The following LARGE1 variants were observed in gnomAD, a reference collection of about 807,000 sequenced individuals.
The protein encoded by LARGE1 is LARGE xylosyl- and glucuronyltransferase 1, also known as xylosyl- and glucuronyltransferase LARGE1.
In LARGE1, 43 loss-of-function variants were observed where a neutral mutation model predicts 87.6. The ratio of observed to expected loss-of-function variants is 0.49; its 90% confidence interval spans 0.38 to 0.63. The LOEUF is 0.63. Among genes scored for constraint, LARGE1 ranks in the 30% least tolerant of loss-of-function variants. The pLI, the probability that LARGE1 is intolerant of heterozygous loss-of-function variation, is 0.00. For synonymous variants in LARGE1, 434 were observed against 394.6 expected, an observed-to-expected ratio of 1.10 and a Z score of -1.18; for missense variants, 802 against 1,000.2, an observed-to-expected ratio of 0.80 and a Z score of 2.67.
intron 7 of LARGE1, among the ~76,000 whole-genome samples, chr22:33,390,023 C>CTTCAAATT (rs2065460786): frequency 6.6e-6 from 1 of 152,182 alleles, no homozygotes; most frequent in African/African-American, 2.4e-5. Context: ...CCATCTGGTT[C>CTTCAAATT]TCGCCATAAT....
chr22:33,561,708 T>C (rs1247240969), intron 6 of LARGE1, among the ~76,000 whole-genome samples: 1 of 152,160 alleles, frequency 6.6e-6, no homozygotes, highest in Non-Finnish European at 1.5e-5. Flanking sequence ...CTGCTAAGAA[T>C]TGGTGGTTCT....
At chr22:33,283,157 A>G in intron 13 of LARGE1, 45 bp downstream of exon 13, 1 of 1,612,370 alleles carries the variant, frequency 6.2e-7, no homozygotes, top group South Asian at 1.1e-5. Context: ...CAGGAGAAAG[A>G]AGGCCTTCGA....
chr22:33,742,477 T>G (rs2083921119), intron 2 of LARGE1, among the ~76,000 whole-genome samples: 1 of 152,182 alleles, frequency 6.6e-6, no homozygotes, highest in South Asian at 2.1e-4. Flanking sequence ...TTCCCTTACT[T>G]GGCATACCAG....
At chr22:33,089,362 T>TCTTCTC in the LARGE1 span, among the ~76,000 whole-genome samples, 1 of 77,990 alleles carries the variant, frequency 1.3e-5, no homozygotes, top group African/African-American at 5.3e-5. Flanking sequence ...TTCTTCTTCT[T>TCTTCTC]CTTCTTCTCC....
intron 5 of LARGE1, among the ~76,000 whole-genome samples, chr22:33,600,146 T>C (rs1311830356): frequency 2.6e-5 from 4 of 152,314 alleles, no homozygotes; most frequent in Admixed American, 2.0e-4. Flanking sequence ...CTGACCGTGA[T>C]AAAGAAACTC....
rs1464574788 is a variant in LARGE1 at position 33,675,533 on chromosome 22, A to T, written c.107-24865T>A. ...AGGTTGATGTACTTGGGAAACAAAA[A>T]ACAACAAAATAAGACAAAACGAAGG... On this transcript the variant is annotated intron_variant, in intron 2 of 14. Coordinates refer to ENST00000397394, the MANE Select transcript of LARGE1 (RefSeq NM_133642.5). 3.3e-5 allele frequency among the ~76,000 whole-genome samples: 5 copies of T among 152,086 alleles called. 1 individual carries two copies. Among genetic ancestry groups the T allele is most frequent in the Non-Finnish European group, 7.4e-5 (5 of 68,014 alleles).
intron 12 of LARGE1, among the ~76,000 whole-genome samples, chr22:33,302,298 G>C (rs189827380): frequency 6.6e-6 from 1 of 152,188 alleles, no homozygotes; most frequent in African/African-American, 2.4e-5. Flanking sequence ...GCAGCCTGGT[G>C]GGTCAGGGGT....
At chr22:33,244,160 T>C (rs1164517535) in intron 11 of LARGE1, among the ~76,000 whole-genome samples, 1 of 151,836 alleles carries the variant, frequency 6.6e-6, no homozygotes, top group Admixed American at 6.6e-5. Context: ...AGCTAATTTT[T>C]TTTTTTTTGT....
intron 2 of LARGE1, among the ~76,000 whole-genome samples, chr22:33,687,720 C>T (rs769090983): frequency 2.8e-4 from 42 of 152,184 alleles, no homozygotes; most frequent in Non-Finnish European, 3.2e-4. Context: ...CGCTCGGGAC[C>T]GATGCACCCA....
At chr22:33,782,550 T>A (rs666775) in intron 1 of LARGE1, among the ~76,000 whole-genome samples, 3 of 151,886 alleles carry the variant, frequency 2.0e-5, no homozygotes, top group Non-Finnish European at 4.4e-5. Flanking sequence ...CTTCATCACA[T>A]AGATTAGCTA....
chr22:33,675,931 G>T (rs1164075679), intron 2 of LARGE1, among the ~76,000 whole-genome samples: 2 of 150,562 alleles, frequency 1.3e-5, no homozygotes, highest in Non-Finnish European at 2.9e-5. Context: ...GGCCTCAGGT[G>T]TGAACAAAAA....
intron 5 of LARGE1, among the ~76,000 whole-genome samples, chr22:33,571,794 T>C (rs2078212866): frequency 6.6e-6 from 1 of 152,076 alleles, no homozygotes; most frequent in African/African-American, 2.4e-5. Context: ...CCCCCAGTCC[T>C]AGATACTCTA....
chr22:33,424,232 C>T (rs1481032745), intron 7 of LARGE1, among the ~76,000 whole-genome samples: 2 of 152,140 alleles, frequency 1.3e-5, no homozygotes, highest in South Asian at 2.1e-4. Flanking sequence ...GAACAGTGAG[C>T]GGAAGTTTAC....
chr22:33,183,620 G>A (rs2413170), intron 11 of LARGE1, among the ~76,000 whole-genome samples: 70,044 of 137,728 alleles, frequency 0.51, 17,151 homozygotes, highest in South Asian at 0.6. Flanking sequence ...ACACACACAC[G>A]CACACACACA....
rs373099599 is a variant in LARGE1 at position 33,472,467 on chromosome 22, T to C, written c.788-40202A>G. On this transcript the variant is annotated intron_variant, in intron 6 of 14. Transcript: ENST00000397394. ...TTCCAATGAGAGCAGGACTGATTCCTAGTGGGGTATTTTGGAAACCTCTGC... is the reference window on the plus strand; with the variant it reads ...TTCCAATGAGAGCAGGACTGATTCCCAGTGGGGTATTTTGGAAACCTCTGC... Among the ~76,000 whole-genome samples, 8 of 152,140 alleles carry C rather than the reference T, an allele frequency of 5.3e-5. No homozygotes were observed. In the South Asian group the frequency reaches 1.0e-3, roughly 20 times the overall value.
At chr22:33,392,042 T>C (rs1404319742) in intron 7 of LARGE1, among the ~76,000 whole-genome samples, 1 of 152,040 alleles carries the variant, frequency 6.6e-6, no homozygotes, top group Non-Finnish European at 1.5e-5. Context: ...GTGTTGCAAT[T>C]ACAGGTGTGA....
intron 7 of LARGE1, among the ~76,000 whole-genome samples, chr22:33,426,222 T>A (rs926938647): frequency 3.9e-5 from 6 of 152,190 alleles, no homozygotes; most frequent in Non-Finnish European, 7.3e-5. Flanking sequence ...CGCTTCTCTA[T>A]TAGACGATAA....
chr22:33,186,673 T>A (rs1296505232), intron 11 of LARGE1, among the ~76,000 whole-genome samples: 1 of 152,064 alleles, frequency 6.6e-6, no homozygotes, highest in Non-Finnish European at 1.5e-5. Context: ...ATAAATAAAT[T>A]AAAGCATAAG....
At chr22:33,904,701 G>A (rs2065388635) in intron 1 of LARGE1, among the ~76,000 whole-genome samples, 1 of 151,866 alleles carries the variant, frequency 6.6e-6, no homozygotes, top group Non-Finnish European at 1.5e-5. Flanking sequence ...AAGATAAAGT[G>A]GAATGGTTAT....
Sources: gnomAD v4.1 joint callset for allele counts (sites outside exome capture counted in the v4.1 genomes callset) on GRCh38, gnomAD v4.1.1 for gene constraint, MANE v1.5 for transcripts, NCBI Gene and HGNC (gene_info 2026-07-23, HGNC 2026-07-21) for gene names.